Variants in ASTN2 observed in about 807,000 individuals in gnomAD.
The protein encoded by ASTN2 is astrotactin-2.
In ASTN2, 54 loss-of-function variants were observed where a neutral mutation model predicts 139.8. The observed-to-expected ratio is 0.39, with a 90% confidence interval of 0.31 to 0.48. The LOEUF (loss-of-function observed/expected upper bound fraction) is 0.48. Among genes scored for constraint, ASTN2 ranks in the 20% least tolerant of loss-of-function variants. The pLI is 0.95. For synonymous variants in ASTN2, 756 were observed against 719.5 expected, an observed-to-expected ratio of 1.05 and a Z score of -0.81; for missense variants, 1,565 against 1,725.1, an observed-to-expected ratio of 0.91 and a Z score of 1.64.
intron 16 of ASTN2, among the ~76,000 whole-genome samples, chr9:116,721,569 G>A (rs1182316785): frequency 2.0e-5 from 3 of 152,194 alleles, no homozygotes; most frequent in African/African-American, 4.8e-5. Context: ...TGGCACGGGA[G>A]CAGAGGTGAT....
intron 1 of ASTN2, among the ~76,000 whole-genome samples, chr9:117,358,412 GT>G (rs35834992): frequency 0.35 from 52,870 of 151,806 alleles, 9,494 homozygotes; most frequent in Middle Eastern, 0.39. Flanking sequence ...CTGAATGAGT[GT>G]AACATTACAA....
At chr9:117,257,262 G>C (rs2133101803) in intron 2 of ASTN2, among the ~76,000 whole-genome samples, 1 of 152,222 alleles carries the variant, frequency 6.6e-6, no homozygotes, top group Middle Eastern at 3.4e-3. Flanking sequence ...TGGGGAACAG[G>C]GACACACTGA....
chr9:117,196,416 C>A (rs1225780550), intron 3 of ASTN2, among the ~76,000 whole-genome samples: 1 of 152,134 alleles, frequency 6.6e-6, no homozygotes, highest in Non-Finnish European at 1.5e-5. Context: ...TACAGGACAG[C>A]AGCTGGCTTC....
At chr9:117,157,518 A>G (rs1239054288) in intron 3 of ASTN2, among the ~76,000 whole-genome samples, 1 of 152,032 alleles carries the variant, frequency 6.6e-6, no homozygotes, top group Non-Finnish European at 1.5e-5. Context: ...GAAAAGGGGG[A>G]GAATATGGAC....
rs370408499 is a variant in ASTN2 at position 116,733,603 on chromosome 9, G to A, written c.2397-80C>T. On this transcript the variant is annotated intron_variant, in intron 13 of 22. Coordinates refer to ENST00000313400, the MANE Select transcript of ASTN2 (RefSeq NM_001365068.1). Reference sequence around the variant, plus strand: ...CTACAGGGCAAGGAGGCAGGATGCTGTAGTCAGAATAAAGACTCATGGTGG... The same window carrying A: ...CTACAGGGCAAGGAGGCAGGATGCTATAGTCAGAATAAAGACTCATGGTGG... 2.2e-5 allele frequency: 35 copies of A among 1,576,240 alleles called. 2 individuals are homozygous for A. The highest frequency in any genetic ancestry group is 1.2e-4 in the Admixed American group (7 of 59,160).
chr9:116,655,210 G>C (rs1343388596), intron 16 of ASTN2, among the ~76,000 whole-genome samples: 2 of 152,174 alleles, frequency 1.3e-5, no homozygotes, highest in African/African-American at 4.8e-5. Context: ...ATCTAGATGA[G>C]AGTTAAGATG....
intron 1 of ASTN2, among the ~76,000 whole-genome samples, chr9:117,294,424 G>A (rs1834677803): frequency 6.6e-6 from 1 of 152,208 alleles, no homozygotes; most frequent in African/African-American, 2.4e-5. Flanking sequence ...GAGAGAGGAG[G>A]GGTATGAAAT....
intron 1 of ASTN2, among the ~76,000 whole-genome samples, chr9:117,309,452 T>A (rs895470765): frequency 6.6e-6 from 1 of 152,210 alleles, no homozygotes; most frequent in Non-Finnish European, 1.5e-5. Context: ...ATCAATACTG[T>A]TTGCAGAATG....
intron 1 of ASTN2, among the ~76,000 whole-genome samples, chr9:117,295,667 C>T (rs77699637): frequency 0.044 from 6,642 of 151,540 alleles, 270 homozygotes; most frequent in African/African-American, 0.11. Flanking sequence ...CTCAGTAACA[C>T]ACTTACTTGC....
chr9:117,401,234 T>C (rs995666409), intron 1 of ASTN2, among the ~76,000 whole-genome samples: 23 of 152,078 alleles, frequency 1.5e-4, no homozygotes, highest in Admixed American at 1.3e-3. Flanking sequence ...GAACCTACTA[T>C]GTGATGTTCC....
chr9:116,964,061 TC>T (rs1354309744), intron 10 of ASTN2, among the ~76,000 whole-genome samples: 3 of 152,112 alleles, frequency 2.0e-5, no homozygotes, highest in African/African-American at 7.2e-5. Flanking sequence ...CTTTTAAATC[TC>T]CCCAAGCTTG....
At chr9:116,719,803 A>T (rs1280604145) in intron 16 of ASTN2, among the ~76,000 whole-genome samples, 4 of 152,126 alleles carry the variant, frequency 2.6e-5, no homozygotes, top group Non-Finnish European at 5.9e-5. Context: ...GGGGAAGTAG[A>T]AAATCATGAA....
intron 11 of ASTN2, among the ~76,000 whole-genome samples, chr9:116,861,525 A>G (rs894475528): frequency 6.6e-6 from 1 of 152,292 alleles, no homozygotes; most frequent in African/African-American, 2.4e-5. Context: ...TTAGGTTTCA[A>G]TGGTCTGAGG....
chr9:117,407,833 T>TTA (rs1831039830), intron 1 of ASTN2, among the ~76,000 whole-genome samples: 1 of 152,200 alleles, frequency 6.6e-6, no homozygotes, highest in South Asian at 2.1e-4. Context: ...GCTCTCTCTC[T>TTA]CTCACTATAG....
intron 6 of ASTN2, among the ~76,000 whole-genome samples, chr9:117,009,562 G>C (rs776365845): frequency 2.6e-5 from 4 of 152,136 alleles, no homozygotes; most frequent in Non-Finnish European, 4.4e-5. Flanking sequence ...GCTTCACAAA[G>C]CTGGACAGGG....
chr9:117,114,786 C>T (rs1358304821), intron 4 of ASTN2, among the ~76,000 whole-genome samples: 2 of 152,136 alleles, frequency 1.3e-5, no homozygotes, highest in Non-Finnish European at 2.9e-5. Context: ...CATGCAATGT[C>T]ACTTAGTTCT....
intron 11 of ASTN2, among the ~76,000 whole-genome samples, chr9:116,860,390 A>T (rs1338406079): frequency 6.6e-6 from 1 of 152,198 alleles, no homozygotes; most frequent in Non-Finnish European, 1.5e-5. Context: ...CATAAATGGT[A>T]CTTTGTAAAT....
chr9:116,647,561 A>G (rs527690256), intron 17 of ASTN2, among the ~76,000 whole-genome samples: 3 of 152,302 alleles, frequency 2.0e-5, no homozygotes, highest in Admixed American at 2.0e-4. Flanking sequence ...GCTCCTGCAC[A>G]AACAGGAAAG....
intron 1 of ASTN2, among the ~76,000 whole-genome samples, chr9:117,361,134 C>G (rs780645625): frequency 2.6e-5 from 4 of 152,110 alleles, no homozygotes; most frequent in Non-Finnish European, 4.4e-5. Context: ...AATGTTGCAC[C>G]AAGTCAGGCT....
Sources: gnomAD v4.1 joint callset for allele counts (sites outside exome capture counted in the v4.1 genomes callset) on GRCh38, gnomAD v4.1.1 for gene constraint, MANE v1.5 for transcripts, NCBI Gene and HGNC (gene_info 2026-07-23, HGNC 2026-07-21) for gene names.